The following F11R variants were observed in gnomAD, a reference collection of about 807,000 sequenced individuals.
F11R encodes junctional adhesion molecule A.
A neutral mutation model predicts 39.3 loss-of-function variants in F11R; 27 were observed. The ratio of observed to expected loss-of-function variants is 0.69; its 90% CI spans 0.51 to 0.95. The LOEUF is 0.95. Ranked by LOEUF, F11R falls within the 40% of genes least tolerant of loss-of-function variation. F11R has a pLI of 0.00. For synonymous variants in F11R, 131 were observed against 144.9 expected, an observed-to-expected ratio of 0.90 and a Z score of 0.69; for missense variants, 335 against 372.7, an observed-to-expected ratio of 0.90 and a Z score of 0.83.
At chr1:161,020,133 C>T (rs1314697946) in intron 1 of F11R, among the ~76,000 whole-genome samples, 1 of 152,200 alleles carries the variant, frequency 6.6e-6, no homozygotes, top group Non-Finnish European at 1.5e-5. Context: ...AACCAACCGA[C>T]TAAACGCTCA....
chr1:161,003,178 C>G (rs1648595857), intron 1 of F11R, among the ~76,000 whole-genome samples: 1 of 146,296 alleles, frequency 6.8e-6, no homozygotes, highest in Non-Finnish European at 1.5e-5. Context: ...GGCTGGAGTG[C>G]AATGGCGCAA....
intron 1 of F11R, among the ~76,000 whole-genome samples, chr1:161,017,859 G>A (rs1016758908): frequency 6.6e-6 from 1 of 152,218 alleles, no homozygotes; most frequent in African/African-American, 2.4e-5. Context: ...AGCTAGAAGG[G>A]CTTGAGTCAG....
At chr1:161,016,560 G>A (rs1018509697) in intron 1 of F11R, among the ~76,000 whole-genome samples, 1 of 152,178 alleles carries the variant, frequency 6.6e-6, no homozygotes, top group Non-Finnish European at 1.5e-5. Flanking sequence ...GGGAGGCTAA[G>A]GCAGGAGAAT....
At chr1:161,006,823 C>T (rs1354683045) in intron 1 of F11R, among the ~76,000 whole-genome samples, 1 of 152,174 alleles carries the variant, frequency 6.6e-6, no homozygotes, top group East Asian at 1.9e-4. Flanking sequence ...TCCACATTCC[C>T]CTTCTCATTC....
chr1:160,999,222 G>GGT, intron 8 of F11R, 131 bp from the exon 9 acceptor site: 1 of 1,437,550 alleles, frequency 7.0e-7, no homozygotes, highest in Non-Finnish European at 9.8e-7. Flanking sequence ...TATGGGTGGG[G>GGT]TAACAGGACA....
intron 1 of F11R, among the ~76,000 whole-genome samples, chr1:161,017,801 T>C (rs1249064715): frequency 6.6e-6 from 1 of 152,214 alleles, no homozygotes; most frequent in Non-Finnish European, 1.5e-5. Flanking sequence ...AACCCACACC[T>C]TCACACCAGT....
In F11R at chr1:160,998,910, C is replaced by A. The variant is rs1387548586; in HGVS notation, c.865-4G>T. 6.2e-6 allele frequency: 10 copies of A among 1,613,976 alleles called. No homozygotes were observed. Among genetic ancestry groups the A allele is most frequent in the Non-Finnish European group, 7.6e-6 (9 of 1,179,946 alleles). On this transcript the variant is annotated splice_region_variant and splice_polypyrimidine_tract_variant and intron_variant, in intron 9 of 9. Transcript: ENST00000368026. Reference sequence around the variant, plus strand: ...ACGAGGTCTGTTTGAATTCTCCCTGCAGAAATAAAACATCCAGTCAACTCT... The same window carrying A: ...ACGAGGTCTGTTTGAATTCTCCCTGAAGAAATAAAACATCCAGTCAACTCT...
chr1:161,006,352 C>CCCAA (rs1408130888), intron 1 of F11R, among the ~76,000 whole-genome samples: 1 of 152,120 alleles, frequency 6.6e-6, no homozygotes, highest in African/African-American at 2.4e-5. Context: ...TTCCCAAGAA[C>CCCAA]CCAACCTATG....
intron 1 of F11R, among the ~76,000 whole-genome samples, chr1:161,010,255 C>A (rs1649058625): frequency 2.0e-5 from 3 of 151,792 alleles, no homozygotes; most frequent in South Asian, 4.2e-4. Flanking sequence ...ACTAGCCTGG[C>A]CAACGTGGTG....
In F11R at chr1:161,021,142, G is replaced by C. The variant is rs1571027852; in HGVS notation, c.-69C>G. 16 of 1,454,002 alleles carry C rather than the reference G, an allele frequency of 1.1e-5. No individual in the cohort carries two copies. In the East Asian group the frequency reaches 3.6e-4, roughly 33 times the overall value. The allele number at this position is 1,454,002 out of a possible 1,614,324, so 90.1% of individuals were successfully genotyped here. On this transcript the variant is annotated 5_prime_UTR_variant, in exon 1 of 10. Coordinates refer to ENST00000368026, the MANE Select transcript of F11R (RefSeq NM_016946.6). ...GAACAGACACAGCTCCGCGACTACA[G>C]CGAGGGGACTGAGAGCCAGCCGCCA... is the stretch of plus-strand genomic sequence containing the variant.
chr1:161,020,939 G>A, intron 1 of F11R, 71 bp downstream of exon 1: 1 of 1,380,140 alleles, frequency 7.2e-7, no homozygotes, highest in Non-Finnish European at 1.0e-6. Context: ...CGCGGGCTAG[G>A]GGCGTGGGGA....
At chr1:160,999,303 CCTT>C in intron 8 of F11R, 90 bp downstream of exon 8, 1 of 1,569,456 alleles carries the variant, frequency 6.4e-7, no homozygotes, top group Non-Finnish European at 8.8e-7. Flanking sequence ...GTTGCTTCTG[CCTT>C]CAACCCATTC....
chr1:161,013,371 G>C (rs929092682), intron 1 of F11R, among the ~76,000 whole-genome samples: 2 of 152,164 alleles, frequency 1.3e-5, no homozygotes, highest in Non-Finnish European at 2.9e-5. Flanking sequence ...CTAATCTCTA[G>C]CACAGTGCTC....
At chr1:161,010,139 A>G (rs1437269498) in intron 1 of F11R, among the ~76,000 whole-genome samples, 1 of 151,932 alleles carries the variant, frequency 6.6e-6, no homozygotes, top group Admixed American at 6.6e-5. Flanking sequence ...AGATGAAAAA[A>G]CTGAGGCTTA....
intron 1 of F11R, among the ~76,000 whole-genome samples, chr1:161,016,277 C>A (rs938658680): frequency 9.9e-5 from 15 of 152,100 alleles, no homozygotes; most frequent in Admixed American, 2.0e-4. Flanking sequence ...GAGATCAAGA[C>A]CATCCTGGCT....
intron 7 of F11R, 107 bp downstream of exon 7, chr1:160,999,533 C>T: frequency 6.6e-7 from 1 of 1,505,678 alleles, no homozygotes; most frequent in Non-Finnish European, 9.2e-7. Context: ...CAGGGGACAA[C>T]ACCCACACAC....
chr1:161,020,457 T>G (rs1303422933), intron 1 of F11R, among the ~76,000 whole-genome samples: 7 of 152,168 alleles, frequency 4.6e-5, no homozygotes, highest in Non-Finnish European at 1.0e-4. Context: ...CACCCAGACA[T>G]TTTCCCAGAG....
intron 1 of F11R, among the ~76,000 whole-genome samples, chr1:161,013,411 A>G (rs1649279708): frequency 1.3e-5 from 2 of 152,196 alleles, no homozygotes; most frequent in Admixed American, 6.5e-5. Context: ...TGTTTGTTGG[A>G]TTAACAAGTG....
intron 1 of F11R, among the ~76,000 whole-genome samples, chr1:161,008,324 T>A (rs1000761585): frequency 6.6e-6 from 1 of 151,954 alleles, no homozygotes; most frequent in African/African-American, 2.4e-5. Flanking sequence ...TGAAACCCCA[T>A]CTCTACTAAA....
Sources: allele counts gnomAD v4.1 joint callset (sites outside exome capture counted in the v4.1 genomes callset), GRCh38; gene constraint gnomAD v4.1.1; transcripts MANE v1.5; gene names NCBI Gene and HGNC (gene_info 2026-07-23, HGNC 2026-07-21).